The following WWOX variants were observed in gnomAD, a reference collection of about 807,000 sequenced individuals.
The protein encoded by WWOX is WW domain-containing oxidoreductase.
WWOX carries 69 observed loss-of-function variants against 46.2 expected under a neutral mutation model. The ratio of observed to expected loss-of-function variants is 1.49; its 90% CI spans 1.23 to 1.82. WWOX has a LOEUF of 1.82. Among genes scored for constraint, WWOX ranks in the 40% most tolerant of loss-of-function variants. The pLI is 0.00. For missense variants in WWOX, 919 were observed against 542.6 expected, an observed-to-expected ratio of 1.69 and a Z score of -6.89; for synonymous variants, 359 against 202.6, an observed-to-expected ratio of 1.77 and a Z score of -6.56.
rs548366256 is a variant in WWOX, at chr16:78,542,018, C to CAAAAAAAAAAAAAAAAAAAA, written c.1056+109275_1056+109294dup. 1.7e-4 allele frequency among the ~76,000 whole-genome samples: 7 copies of CAAAAAAAAAAAAAAAAAAAA among 40,638 alleles called. 2 individuals are homozygous for CAAAAAAAAAAAAAAAAAAAA. The highest frequency in any genetic ancestry group is 2.8e-4 in the Non-Finnish European group (7 of 24,854). 26.7% of individuals were successfully genotyped at this position (40,638 alleles called of 152,430 possible). ...GAGGGTTTCTTTCAACAGAGTATAC[C>CAAAAAAAAAAAAAAAAAAAA]AAAAAAAAAAAAAAAAAAAAAAAAA... On this transcript the variant is annotated intron_variant, in intron 8 of 8. Coordinates refer to ENST00000566780, the MANE Select transcript of WWOX (RefSeq NM_016373.4).
At chr16:79,176,066 C>G (rs1338540519) in intron 8 of WWOX, among the ~76,000 whole-genome samples, 4 of 152,200 alleles carry the variant, frequency 2.6e-5, no homozygotes, top group African/African-American at 9.6e-5. Context: ...ATTAGAGCAG[C>G]TGTTACAGTT....
intron 8 of WWOX, among the ~76,000 whole-genome samples, chr16:78,665,580 G>T (rs2142185520): frequency 6.6e-6 from 1 of 152,158 alleles, no homozygotes; most frequent in East Asian, 1.9e-4. Context: ...CTACCACGCT[G>T]ACTGGCAGTA....
chr16:78,365,111 C>G (rs1400807679), intron 5 of WWOX, among the ~76,000 whole-genome samples: 1 of 152,170 alleles, frequency 6.6e-6, no homozygotes, highest in Non-Finnish European at 1.5e-5. Context: ...CATTTCTTCA[C>G]TTGCAAAATG....
At chr16:78,816,353 A>G (rs945974409) in intron 8 of WWOX, among the ~76,000 whole-genome samples, 10 of 152,084 alleles carry the variant, frequency 6.6e-5, no homozygotes, top group Non-Finnish European at 1.3e-4. Context: ...ATGTAACCTC[A>G]TTGATAGTCT....
intron 8 of WWOX, among the ~76,000 whole-genome samples, chr16:78,438,675 A>T (rs777358781): frequency 1.3e-5 from 2 of 152,164 alleles, no homozygotes; most frequent in Admixed American, 6.5e-5. Flanking sequence ...CAGATGTTTT[A>T]GGGAACTGCA....
At chr16:78,544,052 G>GT (rs201175426) in intron 8 of WWOX, among the ~76,000 whole-genome samples, 1,546 of 152,246 alleles carry the variant, frequency 0.01, 24 homozygotes, top group Middle Eastern at 0.044. Context: ...GGTTCCTAGA[G>GT]TAGGAAAAGC....
chr16:79,073,791 G>A (rs1280903354), intron 8 of WWOX, among the ~76,000 whole-genome samples: 1 of 152,168 alleles, frequency 6.6e-6, no homozygotes, highest in African/African-American at 2.4e-5. Flanking sequence ...TCCACTGAGA[G>A]ATAAGTTGAG....
At chr16:79,210,354 T>G (rs1489658583) in intron 8 of WWOX, among the ~76,000 whole-genome samples, 1 of 152,184 alleles carries the variant, frequency 6.6e-6, no homozygotes, top group Non-Finnish European at 1.5e-5. Flanking sequence ...GATCCTAGAA[T>G]GCAAGCATAG....
At chr16:78,126,658 A>G (rs533937110) in intron 4 of WWOX, among the ~76,000 whole-genome samples, 1 of 152,346 alleles carries the variant, frequency 6.6e-6, no homozygotes, top group African/African-American at 2.4e-5. Flanking sequence ...GGAAATTCAC[A>G]GAGAAAGAAA....
intron 8 of WWOX, among the ~76,000 whole-genome samples, chr16:78,594,643 T>C (rs933083624): frequency 6.6e-6 from 1 of 152,136 alleles, no homozygotes; most frequent in Non-Finnish European, 1.5e-5. Flanking sequence ...CCCAGTGCAG[T>C]GGCTCTGTAT....
chr16:78,811,433 T>C (rs544562008), intron 8 of WWOX, among the ~76,000 whole-genome samples: 1 of 152,250 alleles, frequency 6.6e-6, no homozygotes, highest in South Asian at 2.1e-4. Flanking sequence ...TCCCTCTTCC[T>C]CCCTTTCTTC....
chr16:79,168,991 C>T (rs2050648573), intron 8 of WWOX, among the ~76,000 whole-genome samples: 2 of 152,170 alleles, frequency 1.3e-5, no homozygotes, highest in Admixed American at 6.5e-5. Context: ...CCGGAGCTTC[C>T]TTAAAAATCT....
At chr16:78,788,213 C>G (rs953743753) in intron 8 of WWOX, among the ~76,000 whole-genome samples, 1 of 152,150 alleles carries the variant, frequency 6.6e-6, no homozygotes, top group African/African-American at 2.4e-5. Context: ...TCTAAGAATC[C>G]ATTGCCAAAT....
At chr16:79,126,715 C>CT (rs1401695214) in intron 8 of WWOX, among the ~76,000 whole-genome samples, 1 of 152,152 alleles carries the variant, frequency 6.6e-6, no homozygotes, top group Non-Finnish European at 1.5e-5. Context: ...GGCTGGAAAA[C>CT]TGAGTTGAGG....
chr16:78,472,425 A>G (rs1021853086), intron 8 of WWOX, among the ~76,000 whole-genome samples: 1 of 152,242 alleles, frequency 6.6e-6, no homozygotes, highest in Non-Finnish European at 1.5e-5. Flanking sequence ...AATTTAGAAT[A>G]TAAATTTCTG....
chr16:79,133,322 C>T (rs1369816966), intron 8 of WWOX, among the ~76,000 whole-genome samples: 1 of 152,178 alleles, frequency 6.6e-6, no homozygotes, highest in African/African-American at 2.4e-5. Context: ...AATTTTCCAC[C>T]TTGCCAAATT....
intron 8 of WWOX, among the ~76,000 whole-genome samples, chr16:78,984,756 C>T (rs899193044): frequency 1.2e-4 from 18 of 152,152 alleles, no homozygotes; most frequent in Non-Finnish European, 2.4e-4. Flanking sequence ...TTTCTTCGTC[C>T]TCTTTTCGTG....
chr16:79,013,760 C>G (rs1328599994), intron 8 of WWOX, among the ~76,000 whole-genome samples: 5 of 152,348 alleles, frequency 3.3e-5, no homozygotes, highest in South Asian at 2.1e-4. Context: ...TCATTTGTTA[C>G]TTTTATTGTC....
At chr16:78,416,529 T>C (rs1024347492) in intron 6 of WWOX, among the ~76,000 whole-genome samples, 1 of 152,196 alleles carries the variant, frequency 6.6e-6, no homozygotes, top group African/African-American at 2.4e-5. Context: ...AGGAAAGGGT[T>C]TTCCCAGGTC....
Sources: gnomAD v4.1 joint callset for allele counts (sites outside exome capture counted in the v4.1 genomes callset) on GRCh38, gnomAD v4.1.1 for gene constraint, MANE v1.5 for transcripts, NCBI Gene and HGNC (gene_info 2026-07-23, HGNC 2026-07-21) for gene names.